The following CALCR variants were observed in gnomAD, a reference collection of about 807,000 sequenced individuals.
CALCR encodes calcitonin receptor.
Under a neutral mutation model 59.5 loss-of-function variants are expected in CALCR, and 47 were observed. The observed-to-expected ratio is 0.79, with a 90% CI of 0.63 to 1.01. CALCR has a LOEUF of 1.01. Among genes scored for constraint, CALCR ranks in the 50% least tolerant of loss-of-function variants. The pLI is 0.00. For missense variants in CALCR, 566 were observed against 597.1 expected (o/e 0.95, Z 0.54); for synonymous variants, 213 against 211.3 (o/e 1.01, Z -0.07).
At chr7:93,493,112 C>T (rs906816622) in intron 2 of CALCR, among the ~76,000 whole-genome samples, 1 of 151,244 alleles carries the variant, frequency 6.6e-6, no homozygotes, top group Non-Finnish European at 1.5e-5. Flanking sequence ...TTACCTAATG[C>T]TAAACCCTTT....
chr7:93,554,769 G>GTATATATATATA (rs55879216), intron 2 of CALCR, among the ~76,000 whole-genome samples: 2,781 of 117,090 alleles, frequency 0.024, 312 homozygotes, highest in African/African-American at 0.11. Context: ...GCCAGGCCAT[G>GTATATATATATA]TATATATATA....
chr7:93,448,561 G>C (rs1800048925), intron 8 of CALCR, among the ~76,000 whole-genome samples: 1 of 151,898 alleles, frequency 6.6e-6, no homozygotes, highest in Admixed American at 6.6e-5. Context: ...TTCCGGTGGG[G>C]AGACAGATAC....
At chr7:93,429,801 C>G in intron 13 of CALCR, among the ~76,000 whole-genome samples, 1 of 151,124 alleles carries the variant, frequency 6.6e-6, no homozygotes, top group East Asian at 1.9e-4. Flanking sequence ...ACACTGTCAC[C>G]ACAATCTAAC....
chr7:93,521,300 G>A (rs962950866), intron 2 of CALCR, among the ~76,000 whole-genome samples: 54 of 152,072 alleles, frequency 3.6e-4, no homozygotes, highest in African/African-American at 1.2e-3. Flanking sequence ...AAAGGCACTT[G>A]GTAGGAAGAT....
At chr7:93,550,661 A>T (rs1789433352) in intron 2 of CALCR, among the ~76,000 whole-genome samples, 1 of 140,594 alleles carries the variant, frequency 7.1e-6, no homozygotes, top group Non-Finnish European at 1.5e-5. Flanking sequence ...GTTTTGTAAC[A>T]ATTGCTAAAG....
chr7:93,452,955 C>G (rs1424007613), intron 8 of CALCR, among the ~76,000 whole-genome samples: 1 of 151,990 alleles, frequency 6.6e-6, no homozygotes, highest in Admixed American at 6.6e-5. Context: ...ATTAGGGATG[C>G]TCAAGCCACC....
At position 93,460,891 on chromosome 7, in the gene CALCR, A is replaced by G; in HGVS notation, c.578T>C (p.Leu193Pro). Residue 193 changes from leucine to proline, a missense_variant, in exon 8 of 14, where the codon CTG becomes CCG. Coordinates refer to ENST00000426151, the MANE Select transcript of CALCR (RefSeq NM_001742.4). ...GTGGATGATGATAATCATAGAATTC[A>G]GAATGTAAGTAAGAAACATGTTCTT... Reference protein sequence around the residue: ...LHKNMFLTYILNSMIIIIHLV... With the variant: ...LHKNMFLTYIPNSMIIIIHLV... The G allele has an allele frequency of 6.2e-7, 1 of 1,612,156 alleles. No homozygotes were observed. Among genetic ancestry groups the G allele is most frequent in the Non-Finnish European group, 8.5e-7 (1 of 1,178,894 alleles).
chr7:93,461,002 G>T, intron 7 of CALCR, 55 bp from the exon 8 acceptor site: 2 of 1,432,726 alleles, frequency 1.4e-6, no homozygotes, highest in Non-Finnish European at 1.9e-6. Context: ...TGGAGTACCT[G>T]GAAAAAAACA....
intron 5 of CALCR, among the ~76,000 whole-genome samples, chr7:93,473,590 CTT>C (rs1195826503): frequency 1.8e-3 from 229 of 123,922 alleles, no homozygotes; most frequent in African/African-American, 6.7e-3. Context: ...GCCCCCCCCC[CTT>C]TTTTTTTTTT....
chr7:93,527,346 C>T (rs995037622), intron 2 of CALCR, among the ~76,000 whole-genome samples: 2 of 151,490 alleles, frequency 1.3e-5, no homozygotes, highest in African/African-American at 4.8e-5. Context: ...ATGTTATTCA[C>T]TGAAAAGCAT....
At chr7:93,531,932 C>T (rs929047760) in intron 2 of CALCR, among the ~76,000 whole-genome samples, 2 of 151,356 alleles carry the variant, frequency 1.3e-5, no homozygotes, top group Non-Finnish European at 2.9e-5. Context: ...GTACATATAC[C>T]AGATAAATAA....
intron 8 of CALCR, among the ~76,000 whole-genome samples, chr7:93,448,195 C>T (rs1312291953): frequency 6.6e-6 from 1 of 151,948 alleles, no homozygotes; most frequent in Non-Finnish European, 1.5e-5. Context: ...CTTTCACACA[C>T]ACACACAAAA....
chr7:93,518,992 C>A (rs1801703165), intron 2 of CALCR, among the ~76,000 whole-genome samples: 1 of 151,856 alleles, frequency 6.6e-6, no homozygotes, highest in Non-Finnish European at 1.5e-5. Context: ...TTATTTAACT[C>A]TTACATAATG....
intron 5 of CALCR, among the ~76,000 whole-genome samples, chr7:93,474,807 A>G (rs1800631729): frequency 6.6e-6 from 1 of 151,814 alleles, no homozygotes; most frequent in Admixed American, 6.6e-5. Context: ...ATATTTTTGA[A>G]GCATTTTTCT....
At chr7:93,460,141 T>C (rs1800285306) in intron 8 of CALCR, among the ~76,000 whole-genome samples, 2 of 152,094 alleles carry the variant, frequency 1.3e-5, no homozygotes, top group African/African-American at 4.8e-5. Context: ...CCTGTAACCA[T>C]TTGTGGCACA....
At chr7:93,482,501 T>TA (rs1800820596) in intron 3 of CALCR, among the ~76,000 whole-genome samples, 2 of 151,828 alleles carry the variant, frequency 1.3e-5, no homozygotes, top group Admixed American at 6.6e-5. Flanking sequence ...GTATTTTGTT[T>TA]AAATCTGGCT....
intron 3 of CALCR, among the ~76,000 whole-genome samples, chr7:93,480,378 AT>A (rs891376429): frequency 1.2e-3 from 179 of 151,270 alleles, no homozygotes; most frequent in African/African-American, 4.2e-3. Context: ...CTGCATAGAG[AT>A]TTTTTTTTCT....
chr7:93,460,282 G>A (rs536970224), intron 8 of CALCR, among the ~76,000 whole-genome samples: 2 of 151,950 alleles, frequency 1.3e-5, no homozygotes, highest in Admixed American at 6.6e-5. Context: ...TGGGCCGGGT[G>A]TGGTGGCTCA....
rs76617660 is a variant in CALCR at position 93,440,346 on chromosome 7, C to T, written c.803-2076G>A. Among the ~76,000 whole-genome samples, 637 of 152,250 alleles carry T rather than the reference C, an allele frequency of 4.2e-3. 4 individuals are homozygous for T. Among genetic ancestry groups the T allele is most frequent in the African/African-American group, 0.014 (565 of 41,550 alleles). On this transcript the variant is annotated intron_variant, in intron 9 of 13. Coordinates refer to ENST00000426151, the MANE Select transcript of CALCR (RefSeq NM_001742.4). ...TGCCCCATTAAACTTTATAAAGTTTCTGTGAAACTATTTTTTTCTTGAGAA... is the reference window on the plus strand; with the variant it reads ...TGCCCCATTAAACTTTATAAAGTTTTTGTGAAACTATTTTTTTCTTGAGAA...
Sources: allele counts gnomAD v4.1 joint callset (sites outside exome capture counted in the v4.1 genomes callset), GRCh38; gene constraint gnomAD v4.1.1; transcripts MANE v1.5; gene names NCBI Gene and HGNC (gene_info 2026-07-23, HGNC 2026-07-21).